Variants in STX8 observed in about 807,000 individuals in gnomAD.
The protein encoded by STX8 is syntaxin-8.
A neutral mutation model predicts 37.5 loss-of-function variants in STX8; 23 were observed. That is an observed-to-expected ratio of 0.61 (90% CI 0.44 to 0.87). The LOEUF is 0.87. STX8 is among the 40% of genes least tolerant of loss of function. The pLI, the probability that STX8 is intolerant of heterozygous loss-of-function variation, is 0.00. For synonymous variants in STX8, 115 were observed against 99.1 expected (o/e 1.16, Z -0.95); for missense variants, 313 against 284.7 (o/e 1.10, Z -0.71).
At chr17:9,341,093 C>T (rs2142231625) in intron 7 of STX8, among the ~76,000 whole-genome samples, 1 of 150,852 alleles carries the variant, frequency 6.6e-6, no homozygotes, top group Non-Finnish European at 1.5e-5. Flanking sequence ...GTAGATACCA[C>T]CTTTAAAGTA....
chr17:9,278,428 A>G (rs1907759048), intron 7 of STX8, among the ~76,000 whole-genome samples: 1 of 152,132 alleles, frequency 6.6e-6, no homozygotes, highest in Non-Finnish European at 1.5e-5. Flanking sequence ...CTGCCTGGGC[A>G]ACAAGAGTGA....
intron 7 of STX8, among the ~76,000 whole-genome samples, chr17:9,300,551 T>G (rs942661596): frequency 3.9e-5 from 6 of 152,038 alleles, no homozygotes; most frequent in Non-Finnish European, 5.9e-5. Flanking sequence ...ATAGCTATCG[T>G]GAATGCAATC....
chr17:9,260,344 C>T (rs1290048877), intron 7 of STX8, among the ~76,000 whole-genome samples: 1 of 151,726 alleles, frequency 6.6e-6, no homozygotes, highest in Non-Finnish European at 1.5e-5. Context: ...GTCAAGAAGG[C>T]CGGGCGCGGT....
intron 7 of STX8, among the ~76,000 whole-genome samples, chr17:9,355,927 C>T (rs1483026858): frequency 6.6e-6 from 1 of 152,188 alleles, no homozygotes; most frequent in Non-Finnish European, 1.5e-5. Context: ...GCTGGGATTA[C>T]AGGCAAAAGC....
At chr17:9,325,573 A>T (rs1909726462) in intron 7 of STX8, among the ~76,000 whole-genome samples, 1 of 152,154 alleles carries the variant, frequency 6.6e-6, no homozygotes. Flanking sequence ...ATTTCCGAAC[A>T]AGGGGCCCTG....
At chr17:9,469,633 A>G (rs1043426867) in intron 6 of STX8, 2 of 152,214 alleles carry the variant, frequency 1.3e-5, no homozygotes, top group Non-Finnish European at 2.9e-5. Context: ...TTCTGGCAAG[A>G]AAAAAGTACC....
rs1911291886 is a variant in STX8 at position 9,368,251 on chromosome 17, TC to T, written c.643+10300del. On this transcript the variant is annotated intron_variant, in intron 7 of 7. Transcript: ENST00000306357. ...CAGGCATGGTGGCTCACGCCTGTAA[TC>T]CCAGCACTTTGGGAGGCCGAGGAGG... 1.3e-5 allele frequency among the ~76,000 whole-genome samples: 2 copies of T among 152,084 alleles called. 1 individual carries two copies. Among genetic ancestry groups the T allele is most frequent in the Non-Finnish European group, 2.9e-5 (2 of 68,014 alleles).
intron 2 of STX8, among the ~76,000 whole-genome samples, chr17:9,559,766 T>TTTTTTTTA (rs1244020310): frequency 3.3e-5 from 2 of 59,746 alleles, no homozygotes; most frequent in East Asian, 1.5e-3. Context: ...ATATATTTTT[T>TTTTTTTTA]TTTTTTTTTT....
chr17:9,549,577 T>G (rs1906681718), intron 3 of STX8, among the ~76,000 whole-genome samples: 1 of 152,232 alleles, frequency 6.6e-6, no homozygotes, highest in South Asian at 2.1e-4. Flanking sequence ...TTGCCACTTC[T>G]TAGAATCCTG....
chr17:9,519,164 G>C, intron 4 of STX8, among the ~76,000 whole-genome samples: 1 of 152,048 alleles, frequency 6.6e-6, no homozygotes, highest in Non-Finnish European at 1.5e-5. Context: ...TTACAAATTT[G>C]TCTCTACCCA....
At chr17:9,303,867 T>C (rs1178824597) in intron 7 of STX8, among the ~76,000 whole-genome samples, 1 of 152,166 alleles carries the variant, frequency 6.6e-6, no homozygotes, top group African/African-American at 2.4e-5. Flanking sequence ...AATAATTCCT[T>C]TATGTTATGT....
chr17:9,398,257 T>C (rs1427338386), intron 6 of STX8, among the ~76,000 whole-genome samples: 1 of 152,184 alleles, frequency 6.6e-6, no homozygotes, highest in East Asian at 1.9e-4. Context: ...CAAATCACAT[T>C]CACAGTATGT....
At chr17:9,342,187 T>C (rs1432325804) in intron 7 of STX8, among the ~76,000 whole-genome samples, 1 of 152,162 alleles carries the variant, frequency 6.6e-6, no homozygotes, top group East Asian at 1.9e-4. Flanking sequence ...CTATATCTAA[T>C]GCTGCCACTG....
At position 9,458,974 on chromosome 17, in the gene STX8, C is replaced by G. The variant is rs142526576; in HGVS notation, c.541+32855G>C. Among the ~76,000 whole-genome samples, 152 of 152,034 alleles carry G rather than the reference C, an allele frequency of 1.0e-3. 2 individuals are homozygous for G. The highest frequency in any genetic ancestry group is 6.8e-3 in the Middle Eastern group (2 of 294). On this transcript the variant is annotated intron_variant, in intron 6 of 7. Transcript: ENST00000306357. Reference sequence around the variant, plus strand: ...CCTCCTGAGTAGCTGGGACTACAGGCGCCCACCACCACGCCCGGCTAATGC... The same window carrying G: ...CCTCCTGAGTAGCTGGGACTACAGGGGCCCACCACCACGCCCGGCTAATGC...
At chr17:9,429,028 G>A (rs909918898) in intron 6 of STX8, among the ~76,000 whole-genome samples, 3 of 151,874 alleles carry the variant, frequency 2.0e-5, no homozygotes, top group African/African-American at 7.3e-5. Flanking sequence ...CCTTTGACTT[G>A]GTCAGTTTCA....
intron 7 of STX8, among the ~76,000 whole-genome samples, chr17:9,363,126 A>G (rs1013004394): frequency 1.3e-5 from 2 of 152,198 alleles, no homozygotes; most frequent in Non-Finnish European, 2.9e-5. Flanking sequence ...GTATGGAAAG[A>G]GGATGACAGA....
chr17:9,314,707 C>T (rs569273411), intron 7 of STX8, among the ~76,000 whole-genome samples: 17 of 151,176 alleles, frequency 1.1e-4, no homozygotes, highest in African/African-American at 2.9e-4. Flanking sequence ...CATGCCCGGC[C>T]GCTTATCTTT....
chr17:9,502,352 TA>T lies in STX8; in HGVS notation c.448+2685del, dbSNP rs564928857. ...GGGTCACAGAATACAAAATTTCAGT[TA>T]GACAGAAAGAATAAGCTCAAAAGAT... is the stretch of plus-strand genomic sequence containing the variant. On this transcript the variant is annotated intron_variant, in intron 5 of 7. Coordinates refer to ENST00000306357, the MANE Select transcript of STX8 (RefSeq NM_004853.3). Among the ~76,000 whole-genome samples, 7 of 152,212 alleles carry T rather than the reference TA, an allele frequency of 4.6e-5. No homozygotes were observed. The South Asian group carries it at 1.5e-3, about 32-fold the overall frequency.
At chr17:9,334,970 CT>C (rs1910088014) in intron 7 of STX8, among the ~76,000 whole-genome samples, 1 of 152,150 alleles carries the variant, frequency 6.6e-6, no homozygotes, top group Admixed American at 6.5e-5. Context: ...AGTAAACAAC[CT>C]TTTCCACCAT....
Sources: allele counts gnomAD v4.1 joint callset (sites outside exome capture counted in the v4.1 genomes callset), GRCh38; gene constraint gnomAD v4.1.1; transcripts MANE v1.5; gene names NCBI Gene and HGNC (gene_info 2026-07-23, HGNC 2026-07-21).